The following ADCY6 variants were observed in gnomAD, a reference collection of about 807,000 sequenced individuals.
ADCY6 encodes the protein adenylate cyclase type 6.
Under a neutral mutation model 111.6 loss-of-function variants are expected in ADCY6, and 59 were observed. The ratio of observed to expected loss-of-function variants is 0.53; its 90% CI spans 0.43 to 0.66. The LOEUF (loss-of-function observed/expected upper bound fraction) is 0.66. ADCY6 is among the 30% of genes least tolerant of loss of function. The pLI is 0.00. For synonymous variants in ADCY6, 576 were observed against 642.9 expected (o/e 0.90, Z 1.57); for missense variants, 1,242 against 1,595.6 (o/e 0.78, Z 3.78).
chr12:48,786,416 G>C (rs763851444), intron 1 of ADCY6, among the ~76,000 whole-genome samples: 11 of 152,076 alleles, frequency 7.2e-5, no homozygotes, highest in Non-Finnish European at 1.2e-4. Context: ...ACCTAGGCTG[G>C]AGTGCAGTGG....
At position 48,772,301 on chromosome 12, in the gene ADCY6, T is replaced by C. The variant is rs1276786444; in HGVS notation, c.2781A>G (p.Lys927=). The C allele has an allele frequency of 1.9e-6, 3 of 1,612,916 alleles. No homozygotes were observed. Among genetic ancestry groups the C allele is most frequent in the South Asian group, 2.2e-5 (2 of 90,866 alleles). ...ESTARLDFLW[K]LQATGEKEEM... ...CAAAGGCCCACACAGTCACCTGTAG[T>C]TTCCAGAGGAAGTCTAGGCGGGCAG... is the stretch of plus-strand genomic sequence containing the variant. Residue 927 remains lysine (K), a synonymous_variant, in exon 18 of 22, where the codon AAA becomes AAG. Coordinates refer to ENST00000357869, the MANE Select transcript of ADCY6 (RefSeq NM_015270.5).
rs184064420 is a variant in ADCY6 at position 48,784,449 on chromosome 12, C to T, written c.-4-1011G>A. ...TTTGTCTGACCCCAAAGCCAGTATA[C>T]TTGAAAATTTCCCTAAAAGGCACTG... is the stretch of plus-strand genomic sequence containing the variant. On this transcript the variant is annotated intron_variant, in intron 1 of 21. Transcript: ENST00000357869. Among the ~76,000 whole-genome samples, 742 of 152,160 alleles carry T rather than the reference C, an allele frequency of 4.9e-3. 5 individuals are homozygous for T. The highest frequency in any genetic ancestry group is 6.3e-3 in the Non-Finnish European group (431 of 68,016).
rs1941713425 is a variant in ADCY6 at position 48,776,670 on chromosome 12, C to T, written c.1377-84G>A. On this transcript the variant is annotated intron_variant, in intron 6 of 21. Transcript: ENST00000357869. This position sits in a 1 kb window ranked among gnomAD's most constrained non-coding sequence, Gnocchi z 6.1. ...CCCAGGCCCTTCACTCCTCTCAGGG[C>T]CCAGCGGGCAAGGACAGACCCAGAT... 9.3e-6 allele frequency: 14 copies of T among 1,507,684 alleles called. No individual in the cohort carries two copies. The highest frequency in any genetic ancestry group is 1.4e-5 in the African/African-American group (1 of 72,964). The allele number at this position is 1,507,684 out of a possible 1,614,324, so 93.4% of individuals were successfully genotyped here. A position where few individuals can be genotyped will look rare whatever the true frequency, so the allele number is the denominator to read the frequency against.
chr12:48,780,103 T>C (rs1321922047), intron 2 of ADCY6, among the ~76,000 whole-genome samples: 2 of 151,984 alleles, frequency 1.3e-5, no homozygotes, highest in Non-Finnish European at 2.9e-5. Context: ...ACCAGGCAAC[T>C]TCCCTTCCTG....
At position 48,771,420 on chromosome 12, in the gene ADCY6, T is replaced by C. The variant is rs960527900; in HGVS notation, c.3051+290A>G. ...CTCATGAGGTTCTGTCCACAGACTATTGCCTTCTTCTTCAGTGACATCCAC... is the reference window on the plus strand; with the variant it reads ...CTCATGAGGTTCTGTCCACAGACTACTGCCTTCTTCTTCAGTGACATCCAC... On this transcript the variant is annotated intron_variant, in intron 19 of 21. Transcript: ENST00000357869. The surrounding 1 kb of genome is among the most constrained non-coding windows in gnomAD (Gnocchi z 4.3). 13 of 549,576 alleles carry C rather than the reference T, an allele frequency of 2.4e-5. No individual in the cohort carries two copies. The highest frequency in any genetic ancestry group is 3.6e-5 in the Non-Finnish European group (11 of 302,702). 34.0% of individuals were successfully genotyped at this position (549,576 alleles called of 1,614,324 possible). A position where few individuals can be genotyped will look rare whatever the true frequency, so the allele number is the denominator to read the frequency against.
At chr12:48,787,920 G>A (rs2137403742) in intron 1 of ADCY6, among the ~76,000 whole-genome samples, 1 of 152,304 alleles carries the variant, frequency 6.6e-6, no homozygotes, top group South Asian at 2.1e-4. Context: ...GGATGGCTCT[G>A]CCCACTGCCT....
chr12:48,774,757 G>A lies in ADCY6; in HGVS notation c.2100C>T (p.Ile700=). The A allele has an allele frequency of 1.7e-5, 28 of 1,614,126 alleles. No homozygotes were observed. Among genetic ancestry groups the A allele is most frequent in the Non-Finnish European group, 2.3e-5 (27 of 1,180,002 alleles). ...IFPHSTLMLG[I]YASIFLLLLI... is the part of the protein sequence containing the mutation. Reference sequence around the variant, plus strand: ...GCAGCAGCAGGAAGATGCTGGCATAGATCCCAAGCATCAGGGTGGAGCTGG... The same window carrying A: ...GCAGCAGCAGGAAGATGCTGGCATAAATCCCAAGCATCAGGGTGGAGCTGG... The change falls in exon 13 of 22, where the codon ATC becomes ATT. Residue 700 remains isoleucine (I), a synonymous_variant. Transcript: ENST00000357869.
In ADCY6 at chr12:48,775,020, T is replaced by C; in HGVS notation, c.2015A>G (p.Tyr672Cys). Reference protein sequence around the residue: ...SRKVDPRFGAYVACALLVFCF... With the variant: ...SRKVDPRFGACVACALLVFCF... ...GAAGACCAACAGGGCACAGGCAACG[T>C]AGGCTCCGAAGCGGGGATCCACCTT... Residue 672 changes from tyrosine to cysteine, a missense_variant, in exon 12 of 22, where the codon TAC (tyrosine) becomes TGC (cysteine). Around this residue, in one of 4 missense-constraint regions of ADCY6, gnomAD observed 375 missense variants for 432.5 expected, o/e 0.87. Coordinates refer to ENST00000357869, the MANE Select transcript of ADCY6 (RefSeq NM_015270.5). 6.4e-7 allele frequency: 1 copy of C among 1,557,826 alleles called. No individual in the cohort carries two copies.
chr12:48,784,872 A>C (rs191609777), intron 1 of ADCY6, among the ~76,000 whole-genome samples: 132 of 152,044 alleles, frequency 8.7e-4, no homozygotes, highest in African/African-American at 2.9e-3. Flanking sequence ...TCACTGTGTT[A>C]GCTAGGATGG....
intron 1 of ADCY6, 54 bp from the exon 2 acceptor site, chr12:48,783,492 A>G (rs1245545363): frequency 6.2e-7 from 1 of 1,609,254 alleles, no homozygotes; most frequent in Non-Finnish European, 8.5e-7. Context: ...GAGTGGTATT[A>G]ATACCACCAT....
chr12:48,782,434 C>T lies in ADCY6; in HGVS notation c.864+137G>A. ...TAGCCTCCCACCTCCTGCTCCTCCT[C>T]CCAGATACAGCCAGACATCCCTGCA... On this transcript the variant is annotated intron_variant, in intron 2 of 21. Coordinates refer to ENST00000357869, the MANE Select transcript of ADCY6 (RefSeq NM_015270.5). This position sits in a 1 kb window ranked among gnomAD's most constrained non-coding sequence, Gnocchi z 4.3. 7.0e-7 allele frequency: 1 copy of T among 1,436,522 alleles called. No homozygotes were observed. The highest frequency in any genetic ancestry group is 9.2e-7 in the Non-Finnish European group (1 of 1,090,428). The allele number at this position is 1,436,522 out of a possible 1,614,324, so 89.0% of individuals were successfully genotyped here.
Position 48,782,776 on chromosome 12 carries a change from G to A in ADCY6, c.659C>T (p.Ala220Val), listed in dbSNP as rs368792367. The change falls in exon 2 of 22, where the codon GCG (alanine) becomes GTG (valine). Residue 220 changes from alanine (A) to valine (V), a missense_variant. By Grantham distance (64) the Ala-to-Val change is moderately conservative (BLOSUM62 0). This residue lies in a region of ADCY6 where 362 missense variants were observed against 377.2 expected (regional missense o/e 0.96). Coordinates refer to ENST00000357869, the MANE Select transcript of ADCY6 (RefSeq NM_015270.5). This position sits in a 1 kb window ranked among gnomAD's most constrained non-coding sequence, Gnocchi z 4.3. The part of the protein sequence containing the change: ...VVSYVVLGIL[A>V]AVQVGGALAA... ...GAGAGCGCCCCCGACCTGCACTGCC[G>A]CCAGGATGCCCAGCACCACGTAGCT... 6 of 1,612,742 alleles carry A rather than the reference G, an allele frequency of 3.7e-6. No homozygotes were observed. Among genetic ancestry groups the A allele is most frequent in the African/African-American group, 2.7e-5 (2 of 74,934 alleles).
Position 48,774,492 on chromosome 12 carries a change from C to T in ADCY6, c.2193G>A (p.Leu731=). The T allele has an allele frequency of 6.2e-7, 1 of 1,613,966 alleles. No homozygotes were observed. Among genetic ancestry groups the T allele is most frequent in the Non-Finnish European group, 8.5e-7 (1 of 1,179,972 alleles). The change falls in exon 14 of 22, where the codon CTG becomes CTA. Residue 731 remains leucine, a synonymous_variant. Transcript: ENST00000357869. Reference sequence around the variant, plus strand: ...CCCGTGAGCGGACAATGCTGCGGGACAGACGTTGCAGGGCCTTAGGGAACA... The same window carrying T: ...CCCGTGAGCGGACAATGCTGCGGGATAGACGTTGCAGGGCCTTAGGGAACA... ...GSLFPKALQR[L]SRSIVRSRAH...
chr12:48,781,203 A>AC (rs1941835436), intron 2 of ADCY6, among the ~76,000 whole-genome samples: 1 of 151,488 alleles, frequency 6.6e-6, no homozygotes, highest in South Asian at 2.1e-4. Flanking sequence ...CCGTCTCAAA[A>AC]AAAAAAAAAA....
chr12:48,774,226 T>C, intron 14 of ADCY6, 128 bp from the exon 15 acceptor site: 1 of 1,084,342 alleles, frequency 9.2e-7, no homozygotes, highest in Non-Finnish European at 1.3e-6. Context: ...TAGTACTCAC[T>C]CAGGGATGAC....
At chr12:48,786,930 A>C (rs181412920) in intron 1 of ADCY6, among the ~76,000 whole-genome samples, 1 of 152,346 alleles carries the variant, frequency 6.6e-6, no homozygotes, top group East Asian at 1.9e-4. Flanking sequence ...GTCCTCAGGA[A>C]AGAATCTAAT....
chr12:48,775,156 GTT>G (rs1244402634), intron 11 of ADCY6, 102 bp from the exon 12 acceptor site: 3 of 1,448,394 alleles, frequency 2.1e-6, no homozygotes, highest in Non-Finnish European at 2.8e-6. Context: ...AGGAGATGCA[GTT>G]GGCTCAACTG....
intron 16 of ADCY6, among the ~76,000 whole-genome samples, 173 bp downstream of exon 16, chr12:48,773,295 TG>T (rs1396864413): frequency 1.3e-5 from 2 of 152,004 alleles, no homozygotes; most frequent in Non-Finnish European, 2.9e-5. Flanking sequence ...AGGGTTTCCT[TG>T]GGGGTAACTA....
At chr12:48,785,044 T>TG (rs1308045676) in intron 1 of ADCY6, among the ~76,000 whole-genome samples, 2 of 152,172 alleles carry the variant, frequency 1.3e-5, no homozygotes, top group Non-Finnish European at 2.9e-5. Context: ...TCCCTCTGTC[T>TG]GGAACAAGAG....
Sources: allele counts gnomAD v4.1 joint callset (sites outside exome capture counted in the v4.1 genomes callset), GRCh38; gene constraint gnomAD v4.1.1; regional missense constraint gnomAD v4.1.1; non-coding constraint Gnocchi (gnomAD v3.1); transcripts MANE v1.5; gene names NCBI Gene and HGNC (gene_info 2026-07-23, HGNC 2026-07-21).